The following PCDH15 variants were observed in gnomAD, a reference collection of about 807,000 sequenced individuals.
The protein encoded by PCDH15 is protocadherin related 15.
In PCDH15, 129 loss-of-function variants were observed where a neutral mutation model predicts 178.5. That is an observed-to-expected ratio of 0.72 (90% CI 0.63 to 0.84). The LOEUF is 0.84. Among genes scored for constraint, PCDH15 ranks in the 40% least tolerant of loss-of-function variants. The pLI is 0.00. For synonymous variants in PCDH15, 800 were observed against 732.0 expected (o/e 1.09, Z -1.50); for missense variants, 2,230 against 2,099.9 (o/e 1.06, Z -1.21).
At chr10:54,357,533 A>ATT (rs754978671) in intron 5 of PCDH15, among the ~76,000 whole-genome samples, 2 of 152,156 alleles carry the variant, frequency 1.3e-5, no homozygotes, top group East Asian at 1.9e-4. Context: ...CAAATGGAAG[A>ATT]ACATTCCATG....
intron 2 of PCDH15, among the ~76,000 whole-genome samples, chr10:54,648,806 G>T (rs2094191186): frequency 6.6e-6 from 1 of 152,086 alleles, no homozygotes; most frequent in African/African-American, 2.4e-5. Context: ...TGTTTATAAT[G>T]ATATATATTT....
At position 53,894,633 on chromosome 10, in the gene PCDH15, T is replaced by C. The variant is rs150148709; in HGVS notation, c.3501+8610A>G. 9.8e-5 allele frequency among the ~76,000 whole-genome samples: 15 copies of C among 152,294 alleles called. No individual in the cohort carries two copies. In the East Asian group the frequency reaches 2.1e-3, roughly 22 times the overall value. On this transcript the variant is annotated intron_variant, in intron 26 of 37. Coordinates refer to ENST00000644397, the MANE Select transcript of PCDH15 (RefSeq NM_001384140.1). ...AACCACAAATACTGTAAAACATAAA[T>C]GGTGATTTTGATTTCAGAACTAAGT...
At chr10:55,588,867 A>C (rs1429300907) in intron 2 of PCDH15, among the ~76,000 whole-genome samples, 1 of 152,062 alleles carries the variant, frequency 6.6e-6, no homozygotes, top group African/African-American at 2.4e-5. Context: ...GGATCACCCG[A>C]GGTTGGGAGT....
chr10:55,194,049 TTA>T (rs1486279333), intron 1 of PCDH15, among the ~76,000 whole-genome samples: 1 of 152,068 alleles, frequency 6.6e-6, no homozygotes, highest in Non-Finnish European at 1.5e-5. Flanking sequence ...ACACTCATAT[TTA>T]TATGTCAGAG....
At chr10:54,755,794 G>A (rs1947001442) in intron 1 of PCDH15, among the ~76,000 whole-genome samples, 1 of 152,026 alleles carries the variant, frequency 6.6e-6, no homozygotes, top group Non-Finnish European at 1.5e-5. Context: ...TGGCTCATCA[G>A]AATAATGCAG....
At chr10:55,125,555 T>A (rs1036713409) in intron 2 of PCDH15, among the ~76,000 whole-genome samples, 8 of 151,968 alleles carry the variant, frequency 5.3e-5, no homozygotes, top group African/African-American at 1.7e-4. Context: ...ACAGAATGTA[T>A]CCGGAGAAAC....
intron 1 of PCDH15, among the ~76,000 whole-genome samples, chr10:54,752,250 A>G (rs11004539): frequency 0.5 from 74,553 of 149,770 alleles, 19,073 homozygotes; most frequent in Middle Eastern, 0.68. Context: ...GCCGAGGCGG[A>G]CAGATCATGA....
At chr10:54,112,142 AAAATAAAT>A (rs564125140) in intron 15 of PCDH15, among the ~76,000 whole-genome samples, 1 of 151,256 alleles carries the variant, frequency 6.6e-6, no homozygotes, top group Non-Finnish European at 1.5e-5. Context: ...ACTCTGTCTC[AAAATAAAT>A]AAATAAATAA....
chr10:55,298,868 G>A (rs1309877117), intron 1 of PCDH15, among the ~76,000 whole-genome samples: 1 of 152,058 alleles, frequency 6.6e-6, no homozygotes, highest in Non-Finnish European at 1.5e-5. Flanking sequence ...ATGAGCCACC[G>A]TGCCCGGCGA....
intron 2 of PCDH15, among the ~76,000 whole-genome samples, chr10:55,361,256 T>G (rs1453135775): frequency 6.6e-6 from 1 of 152,054 alleles, no homozygotes; most frequent in Admixed American, 6.6e-5. Context: ...CTTTGTTTCT[T>G]TATGTGGTGC....
At chr10:54,514,215 T>A (rs1300830676) in intron 3 of PCDH15, among the ~76,000 whole-genome samples, 1 of 152,188 alleles carries the variant, frequency 6.6e-6, no homozygotes, top group African/African-American at 2.4e-5. Context: ...GTAGTCTTAA[T>A]TTTAACTAAT....
At chr10:54,114,123 A>C (rs1476878264) in intron 15 of PCDH15, among the ~76,000 whole-genome samples, 1 of 151,814 alleles carries the variant, frequency 6.6e-6, no homozygotes. Flanking sequence ...ACAAAACCAA[A>C]CCATATCAAT....
intron 21 of PCDH15, among the ~76,000 whole-genome samples, chr10:53,966,086 A>G (rs2088984879): frequency 6.8e-6 from 1 of 146,686 alleles, no homozygotes; most frequent in Non-Finnish European, 1.5e-5. Context: ...AACTTCCTAG[A>G]TGATTTTTAC....
intron 15 of PCDH15, among the ~76,000 whole-genome samples, chr10:54,130,141 G>A (rs1433780548): frequency 2.0e-5 from 3 of 152,124 alleles, no homozygotes; most frequent in African/African-American, 7.2e-5. Flanking sequence ...CAAAGAGGGA[G>A]GAAGCTGCTT....
intron 1 of PCDH15, among the ~76,000 whole-genome samples, chr10:55,234,547 G>T (rs1841320212): frequency 6.6e-6 from 1 of 151,510 alleles, no homozygotes; most frequent in South Asian, 2.1e-4. Flanking sequence ...TTTTTGGTTG[G>T]GTGGATTTCT....
chr10:54,490,344 G>A (rs1259190373), intron 3 of PCDH15, among the ~76,000 whole-genome samples: 1 of 151,978 alleles, frequency 6.6e-6, no homozygotes, highest in African/African-American at 2.4e-5. Flanking sequence ...CAACTACTCG[G>A]GAGGCTGAGG....
intron 1 of PCDH15, among the ~76,000 whole-genome samples, chr10:55,171,937 C>T (rs932922875): frequency 2.0e-5 from 3 of 151,838 alleles, no homozygotes; most frequent in African/African-American, 7.3e-5. Context: ...TGCCAACAAG[C>T]TTTTATTAAA....
intron 3 of PCDH15, among the ~76,000 whole-genome samples, chr10:54,845,816 AT>A (rs1401452253): frequency 1.3e-5 from 2 of 152,032 alleles, no homozygotes; most frequent in South Asian, 2.1e-4. Context: ...TTAACATGCA[AT>A]TTTTTTGGAA....
At chr10:53,808,749 A>C in intron 37 of PCDH15, 2 of 1,612,986 alleles carry the variant, frequency 1.2e-6, no homozygotes, top group Non-Finnish European at 1.7e-6. Context: ...TTTGGTTTGC[A>C]TTCTTGCTTC....
Sources: allele counts gnomAD v4.1 joint callset (sites outside exome capture counted in the v4.1 genomes callset), GRCh38; gene constraint gnomAD v4.1.1; transcripts MANE v1.5; gene names NCBI Gene and HGNC (gene_info 2026-07-23, HGNC 2026-07-21).